Variants in PSME3IP1 observed in about 807,000 individuals in gnomAD.
PSME3IP1 encodes proteasome activator subunit 3 interacting protein 1.
A neutral mutation model predicts 34.1 loss-of-function variants in PSME3IP1; 13 were observed. The ratio of observed to expected loss-of-function variants is 0.38; its 90% CI spans 0.25 to 0.61. PSME3IP1 has a LOEUF of 0.61. PSME3IP1 is among the 20% of genes least tolerant of loss of function. PSME3IP1 has a pLI of 0.60. For synonymous variants in PSME3IP1, 93 were observed against 114.3 expected (o/e 0.81, Z 1.19); for missense variants, 237 against 301.4 (o/e 0.79, Z 1.58).
At chr16:57,181,261 A>G (rs1442585224) in intron 1 of PSME3IP1, among the ~76,000 whole-genome samples, 3 of 152,120 alleles carry the variant, frequency 2.0e-5, no homozygotes, top group African/African-American at 7.2e-5. Context: ...GATTGTATTC[A>G]TTGTATTTTT....
chr16:57,171,094 C>A (rs922420909), intron 4 of PSME3IP1, among the ~76,000 whole-genome samples: 1 of 151,884 alleles, frequency 6.6e-6, no homozygotes, highest in East Asian at 1.9e-4. Context: ...ATTGATATTA[C>A]CGACAGCAAT....
chr16:57,167,886 T>C (rs1306264155), intron 4 of PSME3IP1, among the ~76,000 whole-genome samples: 1 of 152,246 alleles, frequency 6.6e-6, no homozygotes, highest in Non-Finnish European at 1.5e-5. Context: ...ATCCTGTGCA[T>C]ATATACAAGA....
At chr16:57,155,982 CACAA>C (rs1165780534) in intron 6 of PSME3IP1, among the ~76,000 whole-genome samples, 5 of 151,846 alleles carry the variant, frequency 3.3e-5, no homozygotes, top group African/African-American at 7.3e-5. Context: ...AAAACAAACA[CACAA>C]ACAAACAAAC....
At chr16:57,155,526 G>T in intron 6 of PSME3IP1, among the ~76,000 whole-genome samples, 1 of 152,122 alleles carries the variant, frequency 6.6e-6, no homozygotes, top group Non-Finnish European at 1.5e-5. Context: ...CCCACACTTT[G>T]GGAGGCCAAG....
At position 57,154,400 on chromosome 16, in the gene PSME3IP1, A is replaced by T. The variant is rs1390632236; in HGVS notation, c.655T>A (p.Ser219Thr). The T allele has an allele frequency of 7.4e-6, 12 of 1,613,916 alleles. No homozygotes were observed. The highest frequency in any genetic ancestry group is 1.0e-5 in the Non-Finnish European group (12 of 1,179,998). Reference sequence around the variant, plus strand: ...CTGGACTCGGAGTCGCTGCTCCCAGAGTAGGCACCCAGGCCTGGGAGGATG... The same window carrying T: ...CTGGACTCGGAGTCGCTGCTCCCAGTGTAGGCACCCAGGCCTGGGAGGATG... ...IGILPGLGAY[S>T]GSSDSESSSD... Residue 219 changes from serine (S) to threonine (T), a missense_variant, in exon 7 of 7, where the codon TCT becomes ACT. Coordinates refer to ENST00000309137, the MANE Select transcript of PSME3IP1 (RefSeq NM_024946.4). The surrounding 1 kb of genome is among the most constrained non-coding windows in gnomAD (Gnocchi z 4.0).
At position 57,172,382 on chromosome 16, in the gene PSME3IP1, T is replaced by C. The variant is rs1251912318; in HGVS notation, c.227-10A>G. The C allele has an allele frequency of 4.3e-6, 7 of 1,613,054 alleles. No individual in the cohort carries two copies. Among genetic ancestry groups the C allele is most frequent in the Middle Eastern group, 1.7e-4 (1 of 6,058 alleles). On this transcript the variant is annotated splice_polypyrimidine_tract_variant and intron_variant, in intron 3 of 6. Coordinates refer to ENST00000309137, the MANE Select transcript of PSME3IP1 (RefSeq NM_024946.4). ...CCTCTTACCATGTTTTCTGAGGAAA[T>C]AATTAAACAAGGCACACTTAGCAGG...
At chr16:57,167,305 G>T in intron 4 of PSME3IP1, 79 bp from the exon 5 acceptor site, 1 of 1,498,986 alleles carries the variant, frequency 6.7e-7, no homozygotes, top group Non-Finnish European at 9.3e-7. Flanking sequence ...GCTGTGCGAT[G>T]TAATGTCTGG....
intron 1 of PSME3IP1, among the ~76,000 whole-genome samples, chr16:57,176,562 T>C (rs1198699914): frequency 6.6e-6 from 1 of 152,226 alleles, no homozygotes; most frequent in Admixed American, 6.5e-5. Flanking sequence ...TGTTTTACTA[T>C]AAATTCAATA....
rs747287162 is a variant in PSME3IP1, at chr16:57,172,415, GA to G, written c.227-44del. 15 of 1,583,868 alleles carry G rather than the reference GA, an allele frequency of 9.5e-6. No individual in the cohort carries two copies. In the South Asian group the frequency reaches 1.7e-4, roughly 18 times the overall value. ...CAAGGCACACTTAGCAGGCTAAAGG[GA>G]AAAATAAGATTTTTCCTTTCCCCTT... On this transcript the variant is annotated intron_variant, in intron 3 of 6. Coordinates refer to ENST00000309137, the MANE Select transcript of PSME3IP1 (RefSeq NM_024946.4).
At chr16:57,179,798 T>A (rs1188230482) in intron 1 of PSME3IP1, among the ~76,000 whole-genome samples, 3 of 152,204 alleles carry the variant, frequency 2.0e-5, no homozygotes, top group African/African-American at 7.2e-5. Context: ...TTTCCTTTTG[T>A]GAGTAAATAT....
At chr16:57,166,894 T>C (rs77386208) in intron 5 of PSME3IP1, among the ~76,000 whole-genome samples, 199 bp downstream of exon 5, 4,424 of 152,238 alleles carry the variant, frequency 0.029, 232 homozygotes, top group African/African-American at 0.1. Context: ...TTATTTATAT[T>C]TGTTGAATAA....
rs377190829 is a variant in PSME3IP1, at chr16:57,154,501, G to A, written c.554C>T (p.Ser185Leu). Reference sequence around the variant, plus strand: ...GGTGTTTCCGAGAGACTTGCAGGATGAGGGCTCTGCAATAAAAGGGGAAAG... The same window carrying A: ...GGTGTTTCCGAGAGACTTGCAGGATAAGGGCTCTGCAATAAAAGGGGAAAG... ...PEPDDKNQEP[S>L]SCKSLGNTSL... The change falls in exon 7 of 7, where the codon TCA becomes TTA. Residue 185 changes from serine to leucine, a missense_variant. Physicochemically the swap from Ser to Leu is moderately radical, Grantham distance 145. Coordinates refer to ENST00000309137, the MANE Select transcript of PSME3IP1 (RefSeq NM_024946.4). The surrounding 1 kb of genome is among the most constrained non-coding windows in gnomAD (Gnocchi z 4.0). 4.4e-6 allele frequency: 7 copies of A among 1,605,692 alleles called. No homozygotes were observed. The highest frequency in any genetic ancestry group is 6.0e-6 in the Non-Finnish European group (7 of 1,174,848).
In PSME3IP1 at chr16:57,186,039, T is replaced by A. The variant is rs2074152825; in HGVS notation, c.-234A>T. The A allele has an allele frequency of 4.1e-6, 4 of 984,882 alleles. No homozygotes were observed. In the South Asian group the frequency reaches 1.9e-4, roughly 46 times the overall value. The allele number at this position is 984,882 out of a possible 1,614,324, so 61.0% of individuals were successfully genotyped here. A position where few individuals can be genotyped will look rare whatever the true frequency, so the allele number is the denominator to read the frequency against. On this transcript the variant is annotated 5_prime_UTR_variant, in exon 1 of 7. Coordinates refer to ENST00000309137, the MANE Select transcript of PSME3IP1 (RefSeq NM_024946.4). ...GGCTTCCTGTTCCTCACCGCCACAA[T>A]AGAGTCCCGCCCCACTTCCGGCGAC...
chr16:57,185,768 A>G, intron 1 of PSME3IP1, 53 bp downstream of exon 1: 1 of 985,492 alleles, frequency 1.0e-6, no homozygotes, highest in Non-Finnish European at 1.2e-6. Flanking sequence ...CTCTTCCGTA[A>G]GGAAGCTGGA....
rs552954156 is a variant in PSME3IP1, at chr16:57,174,402, TAC to T, written c.-15-535_-15-534del. 252 of 974,516 alleles carry T rather than the reference TAC, an allele frequency of 2.6e-4. No homozygotes were observed. In the African/African-American group the frequency reaches 4.0e-3, roughly 16 times the overall value. 60.4% of individuals were successfully genotyped at this position (974,516 alleles called of 1,614,324 possible). A position where few individuals can be genotyped will look rare whatever the true frequency, so the allele number is the denominator to read the frequency against. On this transcript the variant is annotated intron_variant, in intron 1 of 6. Coordinates refer to ENST00000309137, the MANE Select transcript of PSME3IP1 (RefSeq NM_024946.4). Reference sequence around the variant, plus strand: ...AATTTTTATTAACATCGATGTTATCTACACAGTTGGCAAGAGGACCTGGGATA... The same window carrying T: ...AATTTTTATTAACATCGATGTTATCTACAGTTGGCAAGAGGACCTGGGATA...
chr16:57,169,458 T>C (rs1490985007), intron 4 of PSME3IP1, among the ~76,000 whole-genome samples: 1 of 152,240 alleles, frequency 6.6e-6, no homozygotes, highest in Non-Finnish European at 1.5e-5. Context: ...TCTGGCTACT[T>C]GCATGCTTGG....
At chr16:57,180,818 G>A (rs2073633383) in intron 1 of PSME3IP1, among the ~76,000 whole-genome samples, 1 of 152,080 alleles carries the variant, frequency 6.6e-6, no homozygotes, top group Non-Finnish European at 1.5e-5. Flanking sequence ...GCTGTGGGAG[G>A]CCAAGCTGGG....
intron 6 of PSME3IP1, among the ~76,000 whole-genome samples, chr16:57,160,462 T>C (rs2071100676): frequency 6.6e-6 from 1 of 152,242 alleles, no homozygotes; most frequent in African/African-American, 2.4e-5. Context: ...GATAACTTAT[T>C]TGAAGGGCAA....
intron 1 of PSME3IP1, among the ~76,000 whole-genome samples, chr16:57,183,800 C>A (rs2073930176): frequency 6.6e-6 from 1 of 152,164 alleles, no homozygotes; most frequent in Non-Finnish European, 1.5e-5. Context: ...ATAACAGAAA[C>A]AAGTTCAAGC....
Sources: allele counts gnomAD v4.1 joint callset (sites outside exome capture counted in the v4.1 genomes callset), GRCh38; gene constraint gnomAD v4.1.1; non-coding constraint Gnocchi (gnomAD v3.1); transcripts MANE v1.5; gene names NCBI Gene and HGNC (gene_info 2026-07-23, HGNC 2026-07-21).